DNM1L: variants seen among roughly 807,000 people sequenced by gnomAD.
DNM1L encodes dynamin-1-like protein.
Under a neutral mutation model 92.8 loss-of-function variants are expected in DNM1L, and 33 were observed. The ratio of observed to expected loss-of-function variants is 0.36; its 90% CI spans 0.27 to 0.48. DNM1L has a LOEUF of 0.48. Ranked by LOEUF, DNM1L falls within the 20% of genes least tolerant of loss-of-function variation. DNM1L has a pLI of 0.99. For missense variants in DNM1L, 485 were observed against 888.8 expected (o/e 0.55, Z 5.78); for synonymous variants, 284 against 305.0 (o/e 0.93, Z 0.72).
chr12:32,714,679 C>T (rs1592615593), intron 6 of DNM1L, among the ~76,000 whole-genome samples: 2 of 152,010 alleles, frequency 1.3e-5, no homozygotes, highest in South Asian at 2.1e-4. Flanking sequence ...AGTTTATTTA[C>T]ATTTTATTTT....
intron 2 of DNM1L, among the ~76,000 whole-genome samples, chr12:32,702,268 A>G (rs1350730133): frequency 6.7e-6 from 1 of 149,872 alleles, no homozygotes; most frequent in Admixed American, 6.7e-5. Context: ...GAAAATAGGC[A>G]TTGTCCTTTA....
chr12:32,730,912 C>T (rs1203451295), intron 9 of DNM1L, 102 bp from the exon 10 acceptor site: 1 of 1,541,246 alleles, frequency 6.5e-7, no homozygotes, highest in Non-Finnish European at 8.9e-7. Context: ...CTGAGGCTTT[C>T]TCAGAAAATA....
intron 4 of DNM1L, among the ~76,000 whole-genome samples, chr12:32,710,613 T>C (rs1193231986): frequency 7.1e-6 from 1 of 140,208 alleles, no homozygotes; most frequent in East Asian, 2.0e-4. Flanking sequence ...AGTGAGACCT[T>C]GTCTCAAAAA....
chr12:32,679,884 A>G (rs1951740891), intron 1 of DNM1L: 3 of 989,520 alleles, frequency 3.0e-6, no homozygotes, highest in Non-Finnish European at 3.6e-6. Context: ...TGTTCCCATC[A>G]CTGTTGGCTT....
chr12:32,705,796 T>G, intron 2 of DNM1L: 1 of 1,591,572 alleles, frequency 6.3e-7, no homozygotes, highest in South Asian at 1.1e-5. Context: ...GCACTAAACT[T>G]ATTCTGTGCT....
intron 1 of DNM1L, among the ~76,000 whole-genome samples, chr12:32,696,347 G>A (rs924853582): frequency 6.7e-6 from 1 of 150,158 alleles, no homozygotes; most frequent in Non-Finnish European, 1.5e-5. Flanking sequence ...GACCAGCCTG[G>A]GCAATATAGT....
intron 2 of DNM1L, 114 bp downstream of exon 2, chr12:32,701,676 T>TC (rs1254489369): frequency 1.0e-6 from 1 of 965,462 alleles, no homozygotes; most frequent in Non-Finnish European, 1.6e-6. Flanking sequence ...TAGTTAGAAG[T>TC]CCTGTGAGAA....
rs753976385 is a variant in DNM1L, at chr12:32,705,905, T to G, written c.251-1462T>G. The G allele has an allele frequency of 3.8e-6, 6 of 1,559,662 alleles. No homozygotes were observed. The African/African-American group carries it at 5.4e-5, about 14-fold the overall frequency. On this transcript the variant is annotated intron_variant, in intron 2 of 19. Transcript: ENST00000549701. The stretch of plus-strand genomic sequence containing the variant: ...TGCTTTTGACCCTTTTTTTCTCTTA[T>G]GCCTGCATGTGTGCTTATGTACTAT...
chr12:32,730,930 C>T, intron 9 of DNM1L, 84 bp from the exon 10 acceptor site: 1 of 1,588,226 alleles, frequency 6.3e-7, no homozygotes, highest in Non-Finnish European at 8.6e-7. Flanking sequence ...ATAAGATGAG[C>T]TTAAAGCTTC....
intron 4 of DNM1L, 24 bp downstream of exon 4, chr12:32,708,248 A>G: frequency 7.3e-7 from 1 of 1,378,062 alleles, no homozygotes; most frequent in Non-Finnish European, 1.0e-6. Flanking sequence ...TAGAGCTAGA[A>G]GGCATAAGCA....
chr12:32,728,309 A>T (rs1482158381), intron 9 of DNM1L: 1 of 152,238 alleles, frequency 6.6e-6, no homozygotes, highest in African/African-American at 2.4e-5. Flanking sequence ...AGTATTTATC[A>T]GACTAATTAT....
intron 1 of DNM1L, among the ~76,000 whole-genome samples, chr12:32,696,383 A>AACACACACACACACACAC (rs58224525): frequency 8.3e-5 from 12 of 145,118 alleles, no homozygotes; most frequent in African/African-American, 2.8e-4. Flanking sequence ...CACACACACA[A>AACACACACACACACACAC]ACACACACAC....
At position 32,731,571 on chromosome 12, in the gene DNM1L, T is replaced by A; in HGVS notation, c.1356+60T>A. On this transcript the variant is annotated intron_variant, in intron 11 of 19. Coordinates refer to ENST00000549701, the MANE Select transcript of DNM1L (RefSeq NM_012062.5). This position sits in a 1 kb window ranked among gnomAD's most constrained non-coding sequence, Gnocchi z 5.1. ...CTAGAAAAGGACATGAAGTGGTGGT[T>A]TCACTGGGTGGAAGGAAATGTATAA... The A allele has an allele frequency of 6.2e-7, 1 of 1,601,812 alleles. No homozygotes were observed.
intron 9 of DNM1L, chr12:32,726,642 G>A: frequency 1.2e-6 from 1 of 801,856 alleles, no homozygotes; most frequent in Admixed American, 2.3e-5. Context: ...AGGAACTTCA[G>A]GAGGGGCAAG....
intron 1 of DNM1L, among the ~76,000 whole-genome samples, chr12:32,698,790 G>A (rs796581269): frequency 5.3e-5 from 8 of 152,112 alleles, no homozygotes; most frequent in African/African-American, 1.4e-4. Flanking sequence ...ATTATTTATC[G>A]CATTAGCTGT....
chr12:32,707,104 A>G (rs1952957304), intron 2 of DNM1L: 1 of 362,128 alleles, frequency 2.8e-6, no homozygotes, highest in Non-Finnish European at 4.9e-6. Context: ...CTAGATTTCA[A>G]CTAGTGGGAA....
In DNM1L at chr12:32,689,611, A is replaced by G. The variant is rs1245503937; in HGVS notation, c.102+10146A>G. Among the ~76,000 whole-genome samples the G allele has an allele frequency of 3.3e-5, 5 of 150,510 alleles. No individual in the cohort carries two copies. The East Asian group carries it at 9.6e-4, about 29-fold the overall frequency. ...TCTGTAAATCTAAAATTATTTCAAA[A>G]TAAAAAGTAAAATATTGAGACATAT... On this transcript the variant is annotated intron_variant, in intron 1 of 19. Transcript: ENST00000549701.
At chr12:32,688,962 C>G (rs1281074018) in intron 1 of DNM1L, among the ~76,000 whole-genome samples, 1 of 152,088 alleles carries the variant, frequency 6.6e-6, no homozygotes. Context: ...ACTTGGGAGA[C>G]CTGGTGGCAA....
chr12:32,732,394 C>T (rs891554828), intron 12 of DNM1L: 2 of 411,512 alleles, frequency 4.9e-6, no homozygotes, highest in Non-Finnish European at 9.6e-6. Context: ...TAGTTGCTTG[C>T]TACTATTCTG....
Sources: gnomAD v4.1 joint callset for allele counts (sites outside exome capture counted in the v4.1 genomes callset) on GRCh38, gnomAD v4.1.1 for gene constraint, Gnocchi (gnomAD v3.1) non-coding constraint, MANE v1.5 for transcripts, NCBI Gene and HGNC (gene_info 2026-07-23, HGNC 2026-07-21) for gene names.